Variants in FLNB observed in about 807,000 individuals in gnomAD.
FLNB encodes filamin B.
Under a neutral mutation model 250.6 loss-of-function variants are expected in FLNB, and 111 were observed. That is an observed-to-expected ratio of 0.44 (90% CI 0.38 to 0.52). The LOEUF is 0.52. FLNB is among the 20% of genes least tolerant of loss of function. The pLI, the probability that FLNB is intolerant of heterozygous loss-of-function variation, is 0.00. For missense variants in FLNB, 2,869 were observed against 3,447.8 expected, an observed-to-expected ratio of 0.83 and a Z score of 4.20; for synonymous variants, 1,302 against 1,372.1, an observed-to-expected ratio of 0.95 and a Z score of 1.13.
intron 1 of FLNB, among the ~76,000 whole-genome samples, chr3:58,042,699 T>C (rs575021452): frequency 6.6e-6 from 1 of 152,024 alleles, no homozygotes; most frequent in East Asian, 1.9e-4. Context: ...TGTTTTTTCT[T>C]GTAGAGGCGG....
At chr3:58,053,790 G>A (rs1452640340) in intron 1 of FLNB, among the ~76,000 whole-genome samples, 1 of 152,124 alleles carries the variant, frequency 6.6e-6, no homozygotes, top group African/African-American at 2.4e-5. Flanking sequence ...AAATGAAAGT[G>A]TGTTCATTTT....
intron 32 of FLNB, among the ~76,000 whole-genome samples, chr3:58,144,370 G>A (rs921045122): frequency 1.3e-5 from 2 of 152,134 alleles, no homozygotes; most frequent in Non-Finnish European, 1.5e-5. Flanking sequence ...GGGATAACAG[G>A]CATGAGCCGC....
At chr3:58,095,400 G>C (rs189317902) in intron 5 of FLNB, among the ~76,000 whole-genome samples, 1 of 152,030 alleles carries the variant, frequency 6.6e-6, no homozygotes, top group South Asian at 2.1e-4. Flanking sequence ...GGATTACAGG[G>C]ACCTGCCACC....
At chr3:58,117,489 C>T (rs1480153727) in intron 18 of FLNB, among the ~76,000 whole-genome samples, 2 of 152,180 alleles carry the variant, frequency 1.3e-5, no homozygotes, top group Non-Finnish European at 2.9e-5. Flanking sequence ...CCCAAGACCT[C>T]TGGTTAGCCT....
Position 58,122,429 on chromosome 3 carries a change from G to T in FLNB, c.3127-664G>T, listed in dbSNP as rs559668659. On this transcript the variant is annotated intron_variant, in intron 20 of 45. Transcript: ENST00000295956. The stretch of plus-strand genomic sequence containing the variant: ...AATCGCTTGAACCTGGGAGGCAGAG[G>T]TTGCAGTGAGCTGAGATTGTGCCAC... 3.5e-4 allele frequency among the ~76,000 whole-genome samples: 52 copies of T among 149,158 alleles called. No homozygotes were observed. The South Asian group carries it at 0.011, about 31-fold the overall frequency.
At chr3:58,077,993 T>G (rs1359798631) in intron 2 of FLNB, among the ~76,000 whole-genome samples, 1 of 152,216 alleles carries the variant, frequency 6.6e-6, no homozygotes, top group Non-Finnish European at 1.5e-5. Flanking sequence ...TTAATCATAT[T>G]TTCCATTTAC....
chr3:58,094,371 G>A (rs1441075505), intron 4 of FLNB, among the ~76,000 whole-genome samples: 5 of 152,196 alleles, frequency 3.3e-5, no homozygotes, highest in African/African-American at 9.6e-5. Context: ...CCCAGCAAGG[G>A]CATTGTTTCT....
chr3:58,070,952 G>GT (rs530215007), intron 1 of FLNB, among the ~76,000 whole-genome samples: 8,429 of 139,456 alleles, frequency 0.06, 759 homozygotes, highest in African/African-American at 0.2. Context: ...TCTCTCTCTT[G>GT]TTTTTTTTTT....
chr3:58,094,095 C>G (rs1559687564), intron 4 of FLNB, among the ~76,000 whole-genome samples: 1 of 152,208 alleles, frequency 6.6e-6, no homozygotes, highest in Non-Finnish European at 1.5e-5. Context: ...CGTGTTACCA[C>G]TGGGGAAACT....
At chr3:58,126,319 G>A (rs942369596) in intron 23 of FLNB, among the ~76,000 whole-genome samples, 1 of 152,134 alleles carries the variant, frequency 6.6e-6, no homozygotes. Context: ...GACATAGGTT[G>A]CAGTGAGCCG....
intron 8 of FLNB, among the ~76,000 whole-genome samples, chr3:58,100,198 T>C (rs2097247377): frequency 1.3e-5 from 2 of 152,020 alleles, no homozygotes. Context: ...AGAGAGCATT[T>C]TGAATAGCTT....
At chr3:58,059,298 T>C (rs1376354379) in intron 1 of FLNB, among the ~76,000 whole-genome samples, 1 of 152,220 alleles carries the variant, frequency 6.6e-6, no homozygotes, top group East Asian at 1.9e-4. Flanking sequence ...TTCCAGGACA[T>C]AATTACTTAA....
intron 1 of FLNB, among the ~76,000 whole-genome samples, chr3:58,012,270 A>G (rs1480219850): frequency 6.6e-6 from 1 of 151,366 alleles, no homozygotes; most frequent in East Asian, 1.9e-4. Context: ...GGGACGTTCA[A>G]AATTAGGGGA....
At chr3:58,109,104 G>A in intron 13 of FLNB, 75 bp from the exon 14 acceptor site, 3 of 1,588,312 alleles carry the variant, frequency 1.9e-6, no homozygotes, top group Non-Finnish European at 2.6e-6. Flanking sequence ...TGGCTGTCTT[G>A]GGAGGCCACA....
At chr3:58,056,670 C>T (rs540567556) in intron 1 of FLNB, among the ~76,000 whole-genome samples, 4 of 151,026 alleles carry the variant, frequency 2.6e-5, no homozygotes, top group African/African-American at 4.9e-5. Flanking sequence ...GGCATGACCT[C>T]GGCTCACTGC....
chr3:58,060,118 C>G (rs1238065668), intron 1 of FLNB, among the ~76,000 whole-genome samples: 1 of 152,192 alleles, frequency 6.6e-6, no homozygotes, highest in South Asian at 2.1e-4. Context: ...ACTGGGAGGT[C>G]GGACCTCTGC....
chr3:58,098,771 A>G lies in FLNB; in HGVS notation c.1208A>G (p.Glu403Gly), dbSNP rs1187953132. 6.2e-7 allele frequency: 1 copy of G among 1,614,134 alleles called. No individual in the cohort carries two copies. Among genetic ancestry groups the G allele is most frequent in the Non-Finnish European group, 8.5e-7 (1 of 1,180,036 alleles). ...VEDPQGKNTV[E>G]LLVEDKGNQV... ...GATCCCCAGGGGAAGAACACCGTGG[A>G]GTTGCTCGTGGAAGACAAAGGAAAC... Residue 403 changes from glutamate (E) to glycine (G), a missense_variant, in exon 8 of 46, where the codon GAG (glutamate) becomes GGG (glycine). Around this residue, in one of 5 missense-constraint regions of FLNB, gnomAD observed 1,348 missense variants for 1,466.7 expected, o/e 0.92. Transcript: ENST00000295956.
At chr3:58,131,995 C>A in intron 25 of FLNB, 1 of 1,536,686 alleles carries the variant, frequency 6.5e-7, no homozygotes, top group South Asian at 1.2e-5. Context: ...TAAAGGTGAC[C>A]CGAAGGGTGA....
At chr3:58,038,975 G>A (rs888621389) in intron 1 of FLNB, among the ~76,000 whole-genome samples, 1 of 151,096 alleles carries the variant, frequency 6.6e-6, no homozygotes, top group African/African-American at 2.4e-5. Context: ...GCCTGTAATC[G>A]CAGCACTTTG....
Sources: gnomAD v4.1 joint callset for allele counts (sites outside exome capture counted in the v4.1 genomes callset) on GRCh38, gnomAD v4.1.1 for gene constraint, gnomAD v4.1.1 regional missense constraint, MANE v1.5 for transcripts, NCBI Gene and HGNC (gene_info 2026-07-23, HGNC 2026-07-21) for gene names.